Variants in NRXN1 observed in about 807,000 individuals in gnomAD.
NRXN1 encodes neurexin-1.
Under a neutral mutation model 150.9 loss-of-function variants are expected in NRXN1, and 39 were observed. That is an observed-to-expected ratio of 0.26 (90% CI 0.20 to 0.34). The LOEUF is 0.34. Among genes scored for constraint, NRXN1 ranks in the 10% least tolerant of loss-of-function variants. The pLI is 1.00. For missense variants in NRXN1, 1,815 were observed against 1,949.9 expected (o/e 0.93, Z 1.30); for synonymous variants, 924 against 757.0 (o/e 1.22, Z -3.62).
At chr2:50,926,445 T>C (rs899535069) in intron 2 of NRXN1, among the ~76,000 whole-genome samples, 1 of 152,008 alleles carries the variant, frequency 6.6e-6, no homozygotes, top group Non-Finnish European at 1.5e-5. Flanking sequence ...TACTGCCTTT[T>C]AGTATTTCTA....
chr2:50,842,837 A>G (rs959395476), intron 5 of NRXN1, among the ~76,000 whole-genome samples: 1 of 152,184 alleles, frequency 6.6e-6, no homozygotes, highest in Non-Finnish European at 1.5e-5. Flanking sequence ...CCTTTTATGT[A>G]GCAGACATTT....
At chr2:50,010,433 A>G (rs2152544443) in intron 21 of NRXN1, among the ~76,000 whole-genome samples, 2 of 152,258 alleles carry the variant, frequency 1.3e-5, no homozygotes, top group East Asian at 3.9e-4. Context: ...GATCTGATGA[A>G]AACGATAAGC....
intron 18 of NRXN1, among the ~76,000 whole-genome samples, chr2:50,231,325 A>T (rs1477430597): frequency 6.6e-6 from 1 of 152,086 alleles, no homozygotes; most frequent in East Asian, 1.9e-4. Flanking sequence ...TTCTGAATCA[A>T]ATCTTAATAG....
At chr2:50,938,958 T>G (rs1217313188) in intron 2 of NRXN1, among the ~76,000 whole-genome samples, 1 of 152,128 alleles carries the variant, frequency 6.6e-6, no homozygotes, top group South Asian at 2.1e-4. Flanking sequence ...ATGCCTATAA[T>G]CCCTGCACTT....
chr2:50,522,720 AT>A (rs869200431), intron 12 of NRXN1, among the ~76,000 whole-genome samples: 824 of 47,640 alleles, frequency 0.017, 1 homozygote, highest in Non-Finnish European at 0.033. Flanking sequence ...ATTTTTATTC[AT>A]TTTTTTTTTT....
intron 15 of NRXN1, among the ~76,000 whole-genome samples, chr2:50,480,216 A>G (rs10194089): frequency 0.034 from 5,152 of 152,300 alleles, 288 homozygotes; most frequent in African/African-American, 0.11. Flanking sequence ...TACTGAATTT[A>G]TTTGTAGAAA....
At chr2:50,585,717 C>A (rs989890684) in intron 8 of NRXN1, among the ~76,000 whole-genome samples, 1 of 152,062 alleles carries the variant, frequency 6.6e-6, no homozygotes, top group African/African-American at 2.4e-5. Context: ...TTCCAGTAAA[C>A]AATTTTCATT....
chr2:49,951,799 T>G (rs1674011757), intron 21 of NRXN1, among the ~76,000 whole-genome samples: 1 of 151,968 alleles, frequency 6.6e-6, no homozygotes, highest in Non-Finnish European at 1.5e-5. Context: ...AATGGATTGG[T>G]GGACTAATTA....
chr2:50,085,431 A>C (rs1261219379), intron 19 of NRXN1, among the ~76,000 whole-genome samples: 4 of 152,138 alleles, frequency 2.6e-5, no homozygotes, highest in South Asian at 2.1e-4. Context: ...GAAGGAAAAA[A>C]ATTAGTCAAA....
chr2:50,786,446 A>C (rs1033461506), intron 5 of NRXN1, among the ~76,000 whole-genome samples: 1 of 152,134 alleles, frequency 6.6e-6, no homozygotes, highest in East Asian at 1.9e-4. Context: ...TTTTTTTCTC[A>C]GCACCTGCCA....
chr2:50,583,084 G>A lies in NRXN1; in HGVS notation c.1321-30059C>T, dbSNP rs116227098. On this transcript the variant is annotated intron_variant, in intron 8 of 22. Coordinates refer to ENST00000401669, the MANE Select transcript of NRXN1 (RefSeq NM_001330078.2). ...TTTTCTTTTAGAGACAAGTTCTGCC[G>A]CTGTTACCCAGGCTGCAATTCAGCG... Among the ~76,000 whole-genome samples, 943 of 149,310 alleles carry A rather than the reference G, an allele frequency of 6.3e-3. 5 individuals are homozygous for A. The highest frequency in any genetic ancestry group is 0.021 in the African/African-American group (865 of 40,458).
intron 5 of NRXN1, among the ~76,000 whole-genome samples, chr2:50,745,306 C>CA (rs373760708): frequency 3.0e-4 from 44 of 147,422 alleles, no homozygotes; most frequent in South Asian, 6.8e-4. Flanking sequence ...TCTGCCCCCC[C>CA]CCAGGACTGA....
chr2:50,315,822 C>T (rs143934563), intron 17 of NRXN1, among the ~76,000 whole-genome samples: 1 of 152,184 alleles, frequency 6.6e-6, no homozygotes, highest in East Asian at 1.9e-4. Context: ...ATTCAGAGGT[C>T]AATTGTGGAA....
intron 17 of NRXN1, among the ~76,000 whole-genome samples, chr2:50,333,819 T>C (rs553585727): frequency 6.6e-6 from 1 of 152,038 alleles, no homozygotes; most frequent in East Asian, 2.0e-4. Flanking sequence ...GAAACACTGA[T>C]TTGCCAGCAG....
intron 2 of NRXN1, chr2:51,026,499 G>A (rs199838975): frequency 1.4e-6 from 2 of 1,462,528 alleles, no homozygotes; most frequent in African/African-American, 1.4e-5. Flanking sequence ...ACTTAGGTAT[G>A]ACTTTTGTAG....
intron 17 of NRXN1, among the ~76,000 whole-genome samples, chr2:50,314,302 A>G (rs569131372): frequency 4.0e-4 from 61 of 151,982 alleles, no homozygotes; most frequent in Non-Finnish European, 8.1e-4. Context: ...TTTCTTTCAG[A>G]GGGGGAAAAA....
At chr2:50,562,852 T>C (rs1488209858) in intron 8 of NRXN1, among the ~76,000 whole-genome samples, 1 of 152,108 alleles carries the variant, frequency 6.6e-6, no homozygotes, top group Non-Finnish European at 1.5e-5. Context: ...TTGATCTAGT[T>C]CCATGTCACC....
At chr2:50,876,108 A>G (rs1678553595) in intron 5 of NRXN1, among the ~76,000 whole-genome samples, 1 of 151,822 alleles carries the variant, frequency 6.6e-6, no homozygotes, top group African/African-American at 2.4e-5. Context: ...CCTGGATTGT[A>G]ACTATTAAGA....
chr2:50,759,938 G>A (rs976049309), intron 5 of NRXN1, among the ~76,000 whole-genome samples: 1 of 151,076 alleles, frequency 6.6e-6, no homozygotes, highest in African/African-American at 2.4e-5. Flanking sequence ...AGTACCACCA[G>A]TTATTTGGAG....
Sources: gnomAD v4.1 joint callset for allele counts (sites outside exome capture counted in the v4.1 genomes callset) on GRCh38, gnomAD v4.1.1 for gene constraint, MANE v1.5 for transcripts, NCBI Gene and HGNC (gene_info 2026-07-23, HGNC 2026-07-21) for gene names.